CEP128: variants seen among roughly 807,000 people sequenced by gnomAD.
CEP128 encodes centrosomal protein 128kDa.
CEP128 carries 132 observed loss-of-function variants against 156.7 expected under a neutral mutation model. The observed-to-expected ratio is 0.84, with a 90% confidence interval of 0.73 to 0.97. The LOEUF is 0.97. Among genes scored for constraint, CEP128 ranks in the 50% least tolerant of loss-of-function variants. The probability of loss-of-function intolerance (pLI) is 0.00; values close to 1 mark genes in which losing one functional copy is unlikely to be tolerated. For synonymous variants in CEP128, 469 were observed against 448.9 expected, an observed-to-expected ratio of 1.04 and a Z score of -0.57; for missense variants, 1,252 against 1,281.9, an observed-to-expected ratio of 0.98 and a Z score of 0.36.
rs544352829 is a variant in CEP128, at chr14:80,630,861, G to A, written c.2807-50438C>T. ...CACGCATTGTAATATGTTACTTTAT[G>A]TAATATGAACAGAAGGTAAACTTAC... On this transcript the variant is annotated intron_variant, in intron 19 of 24. Coordinates refer to ENST00000555265, the MANE Select transcript of CEP128 (RefSeq NM_152446.5). Among the ~76,000 whole-genome samples the A allele has an allele frequency of 2.8e-3, 422 of 152,112 alleles. 3 individuals are homozygous for A. The highest frequency in any genetic ancestry group is 9.7e-3 in the African/African-American group (405 of 41,558).
chr14:80,477,706 C>G (rs1886968611), exon 15 of CEP128: 1 of 152,138 alleles, frequency 6.6e-6, no homozygotes, highest in African/African-American at 2.4e-5. Flanking sequence ...TTTCTACTTT[C>G]CAAAATGAAT....
At chr14:80,726,778 T>C (rs1198098528) in intron 19 of CEP128, among the ~76,000 whole-genome samples, 1 of 152,202 alleles carries the variant, frequency 6.6e-6, no homozygotes, top group East Asian at 1.9e-4. Context: ...AATAAGTGGA[T>C]ATTTCAAGGA....
chr14:80,627,584 A>G (rs1010531901), intron 19 of CEP128, among the ~76,000 whole-genome samples: 1 of 152,200 alleles, frequency 6.6e-6, no homozygotes, highest in African/African-American at 2.4e-5. Flanking sequence ...ATATACTGCT[A>G]ATAAGGTCAG....
chr14:80,740,879 T>C (rs1394979250), intron 19 of CEP128, among the ~76,000 whole-genome samples: 1 of 152,126 alleles, frequency 6.6e-6, no homozygotes, highest in Non-Finnish European at 1.5e-5. Flanking sequence ...GACTATTTTC[T>C]ATGCATTGTA....
At chr14:80,827,595 T>C (rs1885548180) in intron 13 of CEP128, among the ~76,000 whole-genome samples, 1 of 152,166 alleles carries the variant, frequency 6.6e-6, no homozygotes, top group Admixed American at 6.6e-5. Context: ...ACATAGAATC[T>C]AGCTGAAGTG....
At chr14:80,759,124 C>A (rs905628191) in intron 17 of CEP128, among the ~76,000 whole-genome samples, 38 of 152,196 alleles carry the variant, frequency 2.5e-4, no homozygotes, top group African/African-American at 7.7e-4. Context: ...AATTCAGACA[C>A]TTTCCTAATT....
At chr14:80,490,162 G>A (rs8021226), downstream of CEP128, among the ~76,000 whole-genome samples, 72,150 of 151,306 alleles carry the variant, frequency 0.48, 18,362 homozygotes, top group East Asian at 0.68. Context: ...TGAATCATAT[G>A]TGGCTATCAG....
At chr14:80,732,021 G>A (rs1425977954) in intron 19 of CEP128, among the ~76,000 whole-genome samples, 1 of 152,066 alleles carries the variant, frequency 6.6e-6, no homozygotes, top group African/African-American at 2.4e-5. Context: ...GGAAAAAAAA[G>A]AGGTAGGAGG....
At chr14:80,641,640 G>A (rs10146613) in intron 19 of CEP128, among the ~76,000 whole-genome samples, 4,446 of 152,260 alleles carry the variant, frequency 0.029, 217 homozygotes, top group African/African-American at 0.1. Flanking sequence ...GCTGCTGAAA[G>A]AGTGCTTTCT....
chr14:80,603,965 G>C (rs772969538), intron 19 of CEP128, among the ~76,000 whole-genome samples: 1 of 152,136 alleles, frequency 6.6e-6, no homozygotes, highest in Admixed American at 6.5e-5. Flanking sequence ...GAAATGTTGT[G>C]AAACGATGAA....
intron 13 of CEP128, among the ~76,000 whole-genome samples, chr14:80,796,305 C>G (rs1883471207): frequency 6.6e-6 from 1 of 152,080 alleles, no homozygotes; most frequent in African/African-American, 2.4e-5. Context: ...ACTAAAAACA[C>G]AAAAATTAGC....
intron 19 of CEP128, among the ~76,000 whole-genome samples, chr14:80,587,337 T>A (rs182497411): frequency 5.2e-4 from 79 of 152,294 alleles, no homozygotes; most frequent in Admixed American, 3.5e-3. Flanking sequence ...CTATCCCTTG[T>A]GGTTTGTCTC....
chr14:80,662,460 C>T (rs982261971), intron 19 of CEP128, among the ~76,000 whole-genome samples: 3 of 152,064 alleles, frequency 2.0e-5, no homozygotes, highest in African/African-American at 4.8e-5. Flanking sequence ...CACTGTGACC[C>T]TAGTTTTTGC....
chr14:80,722,897 G>C (rs1262183485), intron 19 of CEP128, among the ~76,000 whole-genome samples: 1 of 147,852 alleles, frequency 6.8e-6, no homozygotes, highest in Non-Finnish European at 1.5e-5. Flanking sequence ...CGCGATCTCG[G>C]CTCACTGCAA....
intron 20 of CEP128, among the ~76,000 whole-genome samples, chr14:80,571,995 A>C (rs553313938): frequency 4.6e-5 from 7 of 152,340 alleles, no homozygotes; most frequent in Non-Finnish European, 8.8e-5. Flanking sequence ...TAATTTACAT[A>C]GATTTAGCAG....
At chr14:80,743,941 G>A (rs1898967269) in intron 18 of CEP128, among the ~76,000 whole-genome samples, 2 of 149,830 alleles carry the variant, frequency 1.3e-5, no homozygotes. Context: ...GCACGCTCTT[G>A]GCTCACTGTA....
intron 19 of CEP128, among the ~76,000 whole-genome samples, chr14:80,701,239 G>A (rs1185508346): frequency 6.6e-6 from 1 of 152,154 alleles, no homozygotes; most frequent in Non-Finnish European, 1.5e-5. Flanking sequence ...GCCTGCAAGG[G>A]AAGTAGAGGC....
At chr14:80,685,127 C>A (rs531699575) in intron 19 of CEP128, among the ~76,000 whole-genome samples, 46 of 151,860 alleles carry the variant, frequency 3.0e-4, no homozygotes, top group Admixed American at 2.8e-3. Context: ...GAAAGAAAAA[C>A]CAACCAATTA....
At chr14:80,907,970 T>C (rs1041746967) in intron 4 of CEP128, among the ~76,000 whole-genome samples, 2 of 152,208 alleles carry the variant, frequency 1.3e-5, no homozygotes, top group African/African-American at 4.8e-5. Context: ...ATCAGCTCTC[T>C]TAACTTTTGC....
Sources: gnomAD v4.1 joint callset for allele counts (sites outside exome capture counted in the v4.1 genomes callset) on GRCh38, gnomAD v4.1.1 for gene constraint, MANE v1.5 for transcripts, NCBI Gene and HGNC (gene_info 2026-07-23, HGNC 2026-07-21) for gene names.